Variants in IFT80 observed in about 807,000 individuals in gnomAD.
The protein encoded by IFT80 is intraflagellar transport 80.
In IFT80, 79 loss-of-function variants were observed where a neutral mutation model predicts 107.9. The ratio of observed to expected loss-of-function variants is 0.73; its 90% CI spans 0.61 to 0.88. IFT80 has a LOEUF of 0.88. Among genes scored for constraint, IFT80 ranks in the 40% least tolerant of loss-of-function variants. The pLI, the probability that IFT80 is intolerant of heterozygous loss-of-function variation, is 0.00. For synonymous variants in IFT80, 299 were observed against 300.9 expected (o/e 0.99, Z 0.07); for missense variants, 797 against 914.2 (o/e 0.87, Z 1.65).
intron 6 of IFT80, among the ~76,000 whole-genome samples, chr3:160,358,824 G>A (rs1178737667): frequency 6.6e-6 from 1 of 152,178 alleles, no homozygotes; most frequent in East Asian, 1.9e-4. Flanking sequence ...ATTTATTAAT[G>A]TATTAGGCAT....
At chr3:160,301,356 A>C (rs1716410702) in intron 11 of IFT80, among the ~76,000 whole-genome samples, 1 of 151,968 alleles carries the variant, frequency 6.6e-6, no homozygotes. Flanking sequence ...TTCCTGAAGA[A>C]TATTCTATAC....
intron 19 of IFT80, among the ~76,000 whole-genome samples, chr3:160,263,703 G>A (rs962189451): frequency 3.3e-5 from 5 of 152,212 alleles, no homozygotes; most frequent in South Asian, 4.2e-4. Context: ...TGGGGACGGA[G>A]TCTCACTCTG....
In IFT80 at chr3:160,395,862, T is replaced by G. The variant is rs1166978562; in HGVS notation, c.-47+3284A>C. ...TTCTCAAGACAATTTGGATTGGGTT[T>G]TCTGTCACTTGTAATCAACAGGCTC... On this transcript the variant is annotated intron_variant, in intron 1 of 19. Transcript: ENST00000326448. Among the ~76,000 whole-genome samples the G allele has an allele frequency of 9.9e-5, 15 of 152,190 alleles. 1 individual carries two copies. The highest frequency in any genetic ancestry group is 9.2e-4 in the Admixed American group (14 of 15,282).
At chr3:160,272,756 G>C (rs1713918074) in intron 18 of IFT80, among the ~76,000 whole-genome samples, 1 of 152,076 alleles carries the variant, frequency 6.6e-6, no homozygotes, top group Admixed American at 6.6e-5. Flanking sequence ...CATTAAACTT[G>C]TATATCCCAC....
intron 8 of IFT80, among the ~76,000 whole-genome samples, chr3:160,345,209 T>A (rs1346038708): frequency 6.6e-6 from 1 of 151,964 alleles, no homozygotes; most frequent in African/African-American, 2.4e-5. Context: ...GACGAATAGA[T>A]AAAGAAAATG....
rs534874512 is a variant in IFT80, at chr3:160,312,986, AAT to A, written c.958-5207_958-5206del. 6.8e-4 allele frequency among the ~76,000 whole-genome samples: 50 copies of A among 73,428 alleles called. 3 individuals carry two copies. Among genetic ancestry groups the A allele is most frequent in the African/African-American group, 3.0e-3 (48 of 16,178 alleles). The allele number at this position is 73,428 out of a possible 152,430, so 48.2% of individuals were successfully genotyped here. The stretch of plus-strand genomic sequence containing the variant: ...AATATATAATATATAATATATAATA[AAT>A]ATATATTATATATAAATTAATATAT... On this transcript the variant is annotated intron_variant, in intron 9 of 19. Transcript: ENST00000326448.
intron 8 of IFT80, among the ~76,000 whole-genome samples, chr3:160,328,974 T>C (rs547252369): frequency 5.6e-4 from 85 of 151,230 alleles, no homozygotes; most frequent in Non-Finnish European, 1.1e-3. Context: ...GGGGGGACAA[T>C]GCACACTGGG....
At position 160,268,490 on chromosome 3, in the gene IFT80, G is replaced by C. The variant is rs766079000; in HGVS notation, c.2146C>G (p.Leu716Val). The C allele has an allele frequency of 2.5e-6, 4 of 1,613,004 alleles. No individual in the cohort carries two copies. The African/African-American group carries it at 4.0e-5, about 16-fold the overall frequency. ...VKYKTHVDTV[L>V]AYRQKFLETF... The stretch of plus-strand genomic sequence containing the variant: ...TCCAAAAACTTTTGACGGTAAGCAA[G>C]AACTGTATCAACATGTGTTTTGTAT... Residue 716 changes from leucine to valine, a missense_variant, in exon 19 of 20, where the codon CTT becomes GTT. Coordinates refer to ENST00000326448, the MANE Select transcript of IFT80 (RefSeq NM_020800.3).
At chr3:160,366,739 C>T (rs928076666) in intron 5 of IFT80, among the ~76,000 whole-genome samples, 2 of 152,010 alleles carry the variant, frequency 1.3e-5, no homozygotes, top group Non-Finnish European at 2.9e-5. Context: ...TCTTTTGATA[C>T]AGGCATACAA....
intron 2 of IFT80, chr3:160,383,404 A>T: frequency 5.6e-6 from 5 of 886,890 alleles, no homozygotes; most frequent in Non-Finnish European, 5.4e-6. Flanking sequence ...TAGTTAAATA[A>T]GCAAACAAGA....
rs1173121873 is a variant in IFT80 at position 160,257,527 on chromosome 3, T to C, written c.*998A>G. On this transcript the variant is annotated 3_prime_UTR_variant, in exon 20 of 20. Coordinates refer to ENST00000326448, the MANE Select transcript of IFT80 (RefSeq NM_020800.3). ...TCAGACTTCAGGGCCTATTGACTGA[T>C]CATTCTCAAGTCAAGAGAGGAATGA... The C allele has an allele frequency of 1.8e-4, 27 of 152,194 alleles. No homozygotes were observed. Among genetic ancestry groups the C allele is most frequent in the Admixed American group, 1.8e-3 (27 of 15,282 alleles). The allele number at this position is 152,194 out of a possible 1,614,324, so 9.4% of individuals were successfully genotyped here. A position where few individuals can be genotyped will look rare whatever the true frequency, so the allele number is the denominator to read the frequency against.
In IFT80 at chr3:160,277,591, G is replaced by GCTGCATAGGCTATTT; in HGVS notation, c.1901_1915dup (p.Glu634_Ala638dup). On this transcript the variant is annotated inframe_insertion, in exon 17 of 20. Coordinates refer to ENST00000326448, the MANE Select transcript of IFT80 (RefSeq NM_020800.3). ...ACATTAATTACTTACTTCACCAATT[G>GCTGCATAGGCTATTT]CTGCATAGGCTATTTCTGCAGTAGT... is the stretch of plus-strand genomic sequence containing the variant. 1 of 1,611,512 alleles carries GCTGCATAGGCTATTT rather than the reference G, an allele frequency of 6.2e-7. No individual in the cohort carries two copies.
rs1452018167 is a variant in IFT80 at position 160,307,735 on chromosome 3, T to C, written c.1004A>G (p.Asp335Gly). ...NDAVDLLEFR[D>G]RVIKASLNYA... is the part of the protein sequence containing the mutation. ...GTTCAAAGATGCTTTAATGACTCTA[T>C]CACGGAATTCCAGTAAATCCACTGC... The change falls in exon 10 of 20, where the codon GAT (aspartate) becomes GGT (glycine). Residue 335 changes from aspartate to glycine, a missense_variant. Asp to Gly is a moderately conservative substitution (Grantham distance 94, BLOSUM62 -1). Transcript: ENST00000326448. 6.2e-7 allele frequency: 1 copy of C among 1,606,290 alleles called. No individual in the cohort carries two copies. The highest frequency in any genetic ancestry group is 8.5e-7 in the Non-Finnish European group (1 of 1,173,002).
chr3:160,285,736 A>G, intron 13 of IFT80, 68 bp downstream of exon 13: 1 of 1,040,778 alleles, frequency 9.6e-7, no homozygotes, highest in Middle Eastern at 2.1e-4. Flanking sequence ...TAAAATGAAA[A>G]CATTAATTTT....
rs569050958 is a variant in IFT80, at chr3:160,346,322, C to T, written c.777+9691G>A. ...ATGTTAGTTTGATATAATCCTTCCA[C>T]GATGTATACATATATCAAAACATCA... On this transcript the variant is annotated intron_variant, in intron 8 of 19. Transcript: ENST00000326448. 5.9e-5 allele frequency among the ~76,000 whole-genome samples: 9 copies of T among 152,126 alleles called. No homozygotes were observed. The South Asian group carries it at 1.7e-3, about 28-fold the overall frequency.
intron 11 of IFT80, among the ~76,000 whole-genome samples, chr3:160,301,609 T>C (rs1216928783): frequency 6.6e-6 from 1 of 151,970 alleles, no homozygotes; most frequent in African/African-American, 2.4e-5. Flanking sequence ...TCAGTATGTA[T>C]TCATATCTAA....
intron 1 of IFT80, among the ~76,000 whole-genome samples, chr3:160,393,326 A>G (rs1713526316): frequency 6.6e-6 from 1 of 152,348 alleles, no homozygotes; most frequent in Non-Finnish European, 1.5e-5. Context: ...CTGTGTGGAT[A>G]TATGTGTTTA....
At chr3:160,336,889 C>T (rs1255902916) in intron 8 of IFT80, among the ~76,000 whole-genome samples, 17 of 151,960 alleles carry the variant, frequency 1.1e-4, no homozygotes, top group Admixed American at 1.1e-3. Flanking sequence ...ATACTTTATC[C>T]CCATGCCACA....
chr3:160,316,674 A>T (rs1159350740), intron 9 of IFT80, among the ~76,000 whole-genome samples: 2 of 152,102 alleles, frequency 1.3e-5, no homozygotes, highest in Non-Finnish European at 2.9e-5. Context: ...CTTCTCAGTG[A>T]CTGGCTAGAT....
Sources: gnomAD v4.1 joint callset for allele counts (sites outside exome capture counted in the v4.1 genomes callset) on GRCh38, gnomAD v4.1.1 for gene constraint, MANE v1.5 for transcripts, NCBI Gene and HGNC (gene_info 2026-07-23, HGNC 2026-07-21) for gene names.